ZZEF1: variants seen among roughly 807,000 people sequenced by gnomAD.
ZZEF1 encodes the protein zinc finger ZZ-type and EF-hand domain containing 1.
A neutral mutation model predicts 342.8 loss-of-function variants in ZZEF1; 157 were observed. The observed-to-expected ratio is 0.46, with a 90% CI of 0.40 to 0.52. The LOEUF is 0.52. Ranked by LOEUF, ZZEF1 falls within the 20% of genes least tolerant of loss-of-function variation. The probability of loss-of-function intolerance (pLI) is 0.00; values close to 1 mark genes in which losing one functional copy is unlikely to be tolerated. For synonymous variants in ZZEF1, 1,505 were observed against 1,429.1 expected (o/e 1.05, Z -1.20); for missense variants, 3,480 against 3,725.6 (o/e 0.93, Z 1.72).
At chr17:4,106,182 G>A (rs559502133) in intron 6 of ZZEF1, among the ~76,000 whole-genome samples, 1 of 152,254 alleles carries the variant, frequency 6.6e-6, no homozygotes, top group South Asian at 2.1e-4. Flanking sequence ...TCCTGACCTC[G>A]TGATCCACCT....
rs1555578394 is a variant in ZZEF1, at chr17:4,024,189, T to TTTTTTTTG, written c.7092+729_7092+730insCAAAAAAA. ...CTCCATGCCAAATATTGCCCAGGTT[T>TTTTTTTTG]TTTTTTTTTTTTTTTTTTTTTTTTT... On this transcript the variant is annotated intron_variant, in intron 43 of 54. Coordinates refer to ENST00000381638, the MANE Select transcript of ZZEF1 (RefSeq NM_015113.4). Among the ~76,000 whole-genome samples, 181 of 123,800 alleles carry TTTTTTTTG rather than the reference T, an allele frequency of 1.5e-3. 1 individual carries two copies. The highest frequency in any genetic ancestry group is 7.5e-3 in the Middle Eastern group (2 of 268). 81.2% of individuals were successfully genotyped at this position (123,800 alleles called of 152,430 possible). A position where few individuals can be genotyped will look rare whatever the true frequency, so the allele number is the denominator to read the frequency against.
intron 9 of ZZEF1, among the ~76,000 whole-genome samples, chr17:4,101,184 G>A (rs1365976525): frequency 6.6e-6 from 1 of 152,152 alleles, no homozygotes; most frequent in African/African-American, 2.4e-5. Context: ...GAGGAGAGGA[G>A]GTGCAGCTGG....
At chr17:4,105,887 G>T in intron 6 of ZZEF1, 78 bp from the exon 7 acceptor site, 1 of 1,137,056 alleles carries the variant, frequency 8.8e-7, no homozygotes, top group Non-Finnish European at 1.3e-6. Flanking sequence ...TTAGAAGCTT[G>T]TTTTGACTAA....
At chr17:4,141,380 T>TG (rs2058844567) in intron 1 of ZZEF1, among the ~76,000 whole-genome samples, 1 of 152,250 alleles carries the variant, frequency 6.6e-6, no homozygotes, top group African/African-American at 2.4e-5. Flanking sequence ...AAGTACCCGC[T>TG]GGTTTACTGC....
chr17:4,009,515 C>T (rs746353447), intron 53 of ZZEF1, 89 bp downstream of exon 53: 2 of 1,578,962 alleles, frequency 1.3e-6, no homozygotes, highest in South Asian at 1.1e-5. Context: ...CACTCAGGCT[C>T]GGATGAGGCA....
chr17:4,110,709 CTTTT>C (rs1240075616), intron 5 of ZZEF1, among the ~76,000 whole-genome samples: 6 of 127,030 alleles, frequency 4.7e-5, no homozygotes, highest in African/African-American at 1.4e-4. Context: ...AAAATTACGG[CTTTT>C]TTTTTTTTTT....
intron 24 of ZZEF1, among the ~76,000 whole-genome samples, chr17:4,073,292 A>G (rs1271237123): frequency 6.6e-6 from 1 of 152,228 alleles, no homozygotes; most frequent in East Asian, 1.9e-4. Flanking sequence ...GTTTTTTTCC[A>G]CTATGTAATT....
At position 4,072,629 on chromosome 17, in the gene ZZEF1, G is replaced by A. The variant is rs750727627; in HGVS notation, c.3813C>T (p.His1271=). The change falls in exon 25 of 55, where the codon CAC becomes CAT. Residue 1271 remains histidine, a synonymous_variant. Transcript: ENST00000381638. The part of the protein sequence containing the change: ...ELELEASWPT[H]PHRNSKEVKN... The stretch of plus-strand genomic sequence containing the variant: ...ATACCTCCTTACTATTCCGGTGTGG[G>A]TGAGTGGGCCAGCTTGCTTCTAATT... The A allele has an allele frequency of 1.2e-6, 2 of 1,613,178 alleles. No individual in the cohort carries two copies. The highest frequency in any genetic ancestry group is 1.7e-6 in the Non-Finnish European group (2 of 1,179,546).
In ZZEF1 at chr17:4,093,433, C is replaced by T. The variant is rs576088780; in HGVS notation, c.1913+2398G>A. Among the ~76,000 whole-genome samples the T allele has an allele frequency of 1.4e-4, 21 of 152,282 alleles. 1 individual carries two copies. Among genetic ancestry groups the T allele is most frequent in the African/African-American group, 3.1e-4 (13 of 41,554 alleles). ...ATTCTGATTACTGAAGTGCCTGATACGTGGTGAGTTTTCCATCAACGGTAT... is the reference window on the plus strand; with the variant it reads ...ATTCTGATTACTGAAGTGCCTGATATGTGGTGAGTTTTCCATCAACGGTAT... On this transcript the variant is annotated intron_variant, in intron 11 of 54. Coordinates refer to ENST00000381638, the MANE Select transcript of ZZEF1 (RefSeq NM_015113.4).
At chr17:4,116,932 T>C in intron 3 of ZZEF1, 40 bp downstream of exon 3, 1 of 1,507,206 alleles carries the variant, frequency 6.6e-7, no homozygotes, top group Non-Finnish European at 8.9e-7. Context: ...TTAGAAGAAA[T>C]GATCAGAGTA....
intron 5 of ZZEF1, among the ~76,000 whole-genome samples, chr17:4,111,564 CAGG>C (rs2058299453): frequency 1.3e-5 from 2 of 150,334 alleles, no homozygotes; most frequent in Admixed American, 6.7e-5. Flanking sequence ...GAGACTAAGG[CAGG>C]AGAATTGCGT....
intron 35 of ZZEF1, 70 bp from the exon 36 acceptor site, chr17:4,051,113 G>A: frequency 6.2e-7 from 1 of 1,608,360 alleles, no homozygotes; most frequent in Non-Finnish European, 8.5e-7. Context: ...CAGGAGCACA[G>A]GGCCTTAGGA....
intron 1 of ZZEF1, among the ~76,000 whole-genome samples, chr17:4,134,714 T>C (rs992385443): frequency 1.3e-5 from 2 of 151,952 alleles, no homozygotes; most frequent in African/African-American, 2.4e-5. Context: ...ACGATGGAGC[T>C]TGAATTTGAA....
chr17:4,007,867 G>A lies in ZZEF1; in HGVS notation c.8806-897C>T, dbSNP rs1053511344. On this transcript the variant is annotated intron_variant, in intron 54 of 54. Transcript: ENST00000381638. Reference sequence around the variant, plus strand: ...GACTACTTCCAAGGGACAGAGCGCCGCGCTCAGGCAGGGCTCTTGGCTGGG... The same window carrying A: ...GACTACTTCCAAGGGACAGAGCGCCACGCTCAGGCAGGGCTCTTGGCTGGG... Among the ~76,000 whole-genome samples, 3 of 152,050 alleles carry A rather than the reference G, an allele frequency of 2.0e-5. No individual in the cohort carries two copies. In the East Asian group the frequency reaches 5.8e-4, roughly 29 times the overall value.
In ZZEF1 at chr17:4,114,489, T is replaced by C. The variant is rs756617750; in HGVS notation, c.695-19A>G. ...GGGCTTTCTGTAGGGGAAACCAGAGTTGATTATATGACATCCCTTTCACAA... is the reference window on the plus strand; with the variant it reads ...GGGCTTTCTGTAGGGGAAACCAGAGCTGATTATATGACATCCCTTTCACAA... On this transcript the variant is annotated intron_variant, in intron 3 of 54. Transcript: ENST00000381638. The C allele has an allele frequency of 1.4e-6, 2 of 1,477,544 alleles. No individual in the cohort carries two copies. The highest frequency in any genetic ancestry group is 1.8e-6 in the Non-Finnish European group (2 of 1,108,598). 91.5% of individuals were successfully genotyped at this position (1,477,544 alleles called of 1,614,324 possible). A position where few individuals can be genotyped will look rare whatever the true frequency, so the allele number is the denominator to read the frequency against.
intron 26 of ZZEF1, among the ~76,000 whole-genome samples, chr17:4,068,596 A>T (rs1367494109): frequency 1.3e-5 from 2 of 152,156 alleles, no homozygotes; most frequent in Non-Finnish European, 1.5e-5. Flanking sequence ...CCTAACAAAA[A>T]AAATTTTTAA....
At chr17:4,009,436 G>A in intron 53 of ZZEF1, 168 bp downstream of exon 53, 1 of 930,424 alleles carries the variant, frequency 1.1e-6, no homozygotes, top group Non-Finnish European at 1.6e-6. Flanking sequence ...GGGTTTCCCA[G>A]GCCTGGGAGA....
chr17:4,064,281 C>G, intron 29 of ZZEF1, 80 bp downstream of exon 29: 1 of 1,091,950 alleles, frequency 9.2e-7, no homozygotes, highest in South Asian at 1.6e-5. Flanking sequence ...TCGTTTTTAA[C>G]ATGAACTTCA....
At chr17:4,140,263 T>A (rs529715584) in intron 1 of ZZEF1, among the ~76,000 whole-genome samples, 1 of 152,316 alleles carries the variant, frequency 6.6e-6, no homozygotes, top group Admixed American at 6.5e-5. Context: ...CCAGACTTCT[T>A]CCAGATTCTC....
Sources: allele counts gnomAD v4.1 joint callset (sites outside exome capture counted in the v4.1 genomes callset), GRCh38; gene constraint gnomAD v4.1.1; transcripts MANE v1.5; gene names NCBI Gene and HGNC (gene_info 2026-07-23, HGNC 2026-07-21).